The following NRXN3 variants were observed in gnomAD, a reference collection of about 807,000 sequenced individuals.
NRXN3 encodes neurexin 3.
NRXN3 carries 32 observed loss-of-function variants against 137.6 expected under a neutral mutation model. The observed-to-expected ratio is 0.23, with a 90% CI of 0.18 to 0.31. The LOEUF (loss-of-function observed/expected upper bound fraction) is 0.31. Among genes scored for constraint, NRXN3 ranks in the 10% least tolerant of loss-of-function variants. NRXN3 has a pLI of 1.00. For missense variants in NRXN3, 1,574 were observed against 2,062.5 expected, an observed-to-expected ratio of 0.76 and a Z score of 4.59; for synonymous variants, 798 against 784.5, an observed-to-expected ratio of 1.02 and a Z score of -0.29.
At chr14:78,761,072 A>G (rs1364819309) in intron 8 of NRXN3, among the ~76,000 whole-genome samples, 2 of 152,230 alleles carry the variant, frequency 1.3e-5, no homozygotes, top group African/African-American at 2.4e-5. Flanking sequence ...GCACCATAGA[A>G]TGCCATATCT....
At chr14:79,263,649 A>G (rs2077982505) in intron 15 of NRXN3, among the ~76,000 whole-genome samples, 1 of 152,246 alleles carries the variant, frequency 6.6e-6, no homozygotes. Flanking sequence ...AATAGTAATA[A>G]ATGAAGTAAT....
chr14:78,413,511 C>T (rs1261407553), intron 4 of NRXN3, among the ~76,000 whole-genome samples: 1 of 152,152 alleles, frequency 6.6e-6, no homozygotes, highest in Non-Finnish European at 1.5e-5. Flanking sequence ...TCTTGAACTC[C>T]CGACCTCAGG....
intron 15 of NRXN3, among the ~76,000 whole-genome samples, chr14:79,263,722 T>C (rs1333465991): frequency 2.0e-5 from 3 of 152,148 alleles, no homozygotes; most frequent in Non-Finnish European, 4.4e-5. Context: ...ATCTTTGGAC[T>C]TTTTTTCCAG....
At chr14:78,238,269 A>G (rs965540768) in intron 1 of NRXN3, among the ~76,000 whole-genome samples, 2 of 152,008 alleles carry the variant, frequency 1.3e-5, no homozygotes, top group African/African-American at 2.4e-5. Flanking sequence ...AGATAATGTC[A>G]CTCACTTTCC....
At chr14:79,780,423 A>G (rs1270758453) in intron 19 of NRXN3, among the ~76,000 whole-genome samples, 1 of 149,806 alleles carries the variant, frequency 6.7e-6, no homozygotes, top group Non-Finnish European at 1.5e-5. Context: ...ACACAGTGAA[A>G]CCCGGTCTCT....
intron 10 of NRXN3, among the ~76,000 whole-genome samples, chr14:78,956,410 A>T (rs1026040503): frequency 1.3e-5 from 2 of 152,044 alleles, no homozygotes; most frequent in African/African-American, 4.8e-5. Flanking sequence ...AATTCCTGTT[A>T]CCCCTGATTC....
At chr14:79,348,414 C>T (rs571170903) in intron 15 of NRXN3, among the ~76,000 whole-genome samples, 3 of 142,632 alleles carry the variant, frequency 2.1e-5, no homozygotes, top group Non-Finnish European at 4.5e-5. Flanking sequence ...CTCGCTCTGT[C>T]GCCCAGGCTG....
At position 79,726,416 on chromosome 14, in the gene NRXN3, G is replaced by C. The variant is rs116670491; in HGVS notation, c.4014+28479G>C. ...TTCTGTTATACTAACAATTTGGCTA[G>C]CAGAATTTTTTTTTAAAATCCTCCA... On this transcript the variant is annotated intron_variant, in intron 19 of 20. Transcript: ENST00000335750. 6.2e-3 allele frequency among the ~76,000 whole-genome samples: 944 copies of C among 152,184 alleles called. 7 individuals carry two copies. The highest frequency in any genetic ancestry group is 0.021 in the African/African-American group (875 of 41,534).
intron 4 of NRXN3, among the ~76,000 whole-genome samples, chr14:78,405,287 G>A (rs1443033484): frequency 2.0e-5 from 3 of 152,122 alleles, no homozygotes; most frequent in Non-Finnish European, 4.4e-5. Context: ...TACATGGAGG[G>A]TTGAATGTTT....
At chr14:78,707,521 C>A (rs907594136) in intron 6 of NRXN3, among the ~76,000 whole-genome samples, 2 of 152,154 alleles carry the variant, frequency 1.3e-5, no homozygotes, top group African/African-American at 4.8e-5. Flanking sequence ...TTAATTTCTG[C>A]TTTTAGATGG....
chr14:79,467,977 C>T (rs1203430019), intron 16 of NRXN3, among the ~76,000 whole-genome samples: 1 of 152,162 alleles, frequency 6.6e-6, no homozygotes, highest in Non-Finnish European at 1.5e-5. Context: ...TTTAGTGACC[C>T]CTGTCCTAGG....
intron 15 of NRXN3, among the ~76,000 whole-genome samples, chr14:79,466,494 A>C (rs2096426226): frequency 6.6e-6 from 1 of 152,162 alleles, no homozygotes; most frequent in South Asian, 2.1e-4. Flanking sequence ...AAGCTAAGGC[A>C]GGAGAATTGC....
chr14:79,281,765 T>A (rs1472062067), intron 15 of NRXN3: 1 of 152,334 alleles, frequency 6.6e-6, no homozygotes, highest in East Asian at 1.9e-4. Flanking sequence ...GGAACAGCCC[T>A]CCAGGGAACA....
intron 19 of NRXN3, among the ~76,000 whole-genome samples, chr14:79,788,039 AATGGACTTCACAGCTCCAC>A (rs1375883134): frequency 1.3e-5 from 2 of 152,162 alleles, no homozygotes; most frequent in Non-Finnish European, 2.9e-5. Flanking sequence ...AAAGAGGTTT[AATGGACTTCACAGCTCCAC>A]ATGACTGGGG....
At chr14:79,135,488 G>C (rs1025496031) in intron 15 of NRXN3, among the ~76,000 whole-genome samples, 25 of 152,170 alleles carry the variant, frequency 1.6e-4, no homozygotes, top group African/African-American at 5.8e-4. Flanking sequence ...CTATGGGCTT[G>C]CTAAGCAATA....
rs564478403 is a variant in NRXN3 at position 78,207,714 on chromosome 14, A to G, written c.-703-34677A>G. 5.3e-5 allele frequency among the ~76,000 whole-genome samples: 8 copies of G among 152,302 alleles called. No homozygotes were observed. The East Asian group carries it at 1.5e-3, about 29-fold the overall frequency. On this transcript the variant is annotated intron_variant, in intron 1 of 20. Transcript: ENST00000335750. ...TCCCTCTTTCCCCACCACGTTAGTC[A>G]TCACGCCCTTTTGGTTCTTCTTTTA...
chr14:79,523,480 A>T (rs1030928822), intron 16 of NRXN3, among the ~76,000 whole-genome samples: 3 of 152,160 alleles, frequency 2.0e-5, no homozygotes, highest in Non-Finnish European at 4.4e-5. Context: ...ATGGAAAAAA[A>T]ATCTGTTCCA....
intron 16 of NRXN3, among the ~76,000 whole-genome samples, chr14:79,620,496 A>G (rs1235576463): frequency 6.6e-6 from 1 of 152,102 alleles, no homozygotes; most frequent in East Asian, 1.9e-4. Context: ...TGAGGTTATA[A>G]AGACCATAAG....
At chr14:78,807,043 C>T (rs1214980215) in intron 9 of NRXN3, among the ~76,000 whole-genome samples, 1 of 152,166 alleles carries the variant, frequency 6.6e-6, no homozygotes, top group Non-Finnish European at 1.5e-5. Flanking sequence ...GATCAGCCTG[C>T]GTTATTTGTT....
Sources: allele counts gnomAD v4.1 joint callset (sites outside exome capture counted in the v4.1 genomes callset), GRCh38; gene constraint gnomAD v4.1.1; transcripts MANE v1.5; gene names NCBI Gene and HGNC (gene_info 2026-07-23, HGNC 2026-07-21).